RBFOX1: variants seen among roughly 807,000 people sequenced by gnomAD.
RBFOX1 encodes RNA binding fox-1 homolog 1.
RBFOX1 carries 8 observed loss-of-function variants against 57.7 expected under a neutral mutation model. The observed-to-expected ratio is 0.14, with a 90% CI of 0.08 to 0.25. The LOEUF (loss-of-function observed/expected upper bound fraction) is 0.25, where lower values mean the gene tolerates loss of function less well. Ranked by LOEUF, RBFOX1 falls within the 10% of genes least tolerant of loss-of-function variation. The pLI is 1.00. For missense variants in RBFOX1, 611 were observed against 548.5 expected, an observed-to-expected ratio of 1.11 and a Z score of -1.14; for synonymous variants, 326 against 222.4, an observed-to-expected ratio of 1.47 and a Z score of -4.15.
intron 2 of RBFOX1, among the ~76,000 whole-genome samples, chr16:6,552,712 A>G (rs912977950): frequency 1.3e-5 from 2 of 152,188 alleles, no homozygotes; most frequent in African/African-American, 4.8e-5. Context: ...TATGTGATAT[A>G]CACATACATA....
chr16:6,056,758 C>T (rs368837205), intron 1 of RBFOX1, among the ~76,000 whole-genome samples: 46 of 152,124 alleles, frequency 3.0e-4, no homozygotes, highest in Middle Eastern at 3.4e-3. Context: ...TATGAAATCA[C>T]ACTCCCTTTT....
chr16:5,762,380 A>C (rs2053623093), intron 3 of RBFOX1, among the ~76,000 whole-genome samples: 1 of 152,020 alleles, frequency 6.6e-6, no homozygotes, highest in Admixed American at 6.5e-5. Context: ...ACGAAGAAAG[A>C]AAACTCAAGT....
intron 10 of RBFOX1, among the ~76,000 whole-genome samples, chr16:7,611,116 A>G (rs1310921663): frequency 6.6e-6 from 1 of 152,226 alleles, no homozygotes; most frequent in Non-Finnish European, 1.5e-5. Flanking sequence ...TAATTATTTG[A>G]TTTTCTGAAG....
At chr16:6,877,520 A>T (rs1603635555) in intron 3 of RBFOX1, among the ~76,000 whole-genome samples, 2 of 152,306 alleles carry the variant, frequency 1.3e-5, no homozygotes, top group South Asian at 4.2e-4. Flanking sequence ...GAAAAAGAGC[A>T]TCGACTCTCA....
intron 3 of RBFOX1, among the ~76,000 whole-genome samples, chr16:5,793,002 G>A (rs1395184530): frequency 6.6e-6 from 1 of 152,212 alleles, no homozygotes; most frequent in Non-Finnish European, 1.5e-5. Flanking sequence ...GGAGGAAGTG[G>A]AAGAAAATCT....
chr16:6,907,353 C>T (rs2070293552), intron 3 of RBFOX1, among the ~76,000 whole-genome samples: 1 of 152,160 alleles, frequency 6.6e-6, no homozygotes, highest in African/African-American at 2.4e-5. Context: ...GTGTATCGAG[C>T]TGTCCTTGAG....
At chr16:6,994,229 A>C (rs1325471744) in intron 3 of RBFOX1, among the ~76,000 whole-genome samples, 1 of 152,158 alleles carries the variant, frequency 6.6e-6, no homozygotes, top group Admixed American at 6.5e-5. Context: ...GTAGTACTCT[A>C]AGGTTAAGCT....
chr16:6,859,831 TATA>T (rs2058689731), intron 3 of RBFOX1, among the ~76,000 whole-genome samples: 1 of 152,128 alleles, frequency 6.6e-6, no homozygotes, highest in Non-Finnish European at 1.5e-5. Context: ...CTTGTTTCTT[TATA>T]GAATCACACT....
chr16:7,456,152 C>G (rs1453789077), intron 4 of RBFOX1, among the ~76,000 whole-genome samples: 1 of 152,142 alleles, frequency 6.6e-6, no homozygotes, highest in African/African-American at 2.4e-5. Flanking sequence ...TGTGGCCAAT[C>G]CTGATTAAGG....
intron 1 of RBFOX1, among the ~76,000 whole-genome samples, chr16:5,243,165 C>T (rs958600490): frequency 6.6e-6 from 1 of 152,174 alleles, no homozygotes; most frequent in Non-Finnish European, 1.5e-5. Flanking sequence ...CACAGCTGTT[C>T]CTGGAGGGAG....
chr16:5,965,193 G>T (rs963191212), intron 4 of RBFOX1, among the ~76,000 whole-genome samples: 1 of 152,166 alleles, frequency 6.6e-6, no homozygotes, highest in Non-Finnish European at 1.5e-5. Context: ...TAAGTTTTCA[G>T]TTATAAGTTG....
chr16:7,325,546 A>G (rs566305383), intron 4 of RBFOX1, among the ~76,000 whole-genome samples: 1 of 152,300 alleles, frequency 6.6e-6, no homozygotes, highest in South Asian at 2.1e-4. Flanking sequence ...TCATTTGCAT[A>G]CACTAACTGA....
rs200762810 is a variant in RBFOX1 at position 5,844,218 on chromosome 16, A to T, written c.319-23085A>T. Among the ~76,000 whole-genome samples, 14 of 152,258 alleles carry T rather than the reference A, an allele frequency of 9.2e-5. No individual in the cohort carries two copies. The East Asian group carries it at 2.7e-3, about 29-fold the overall frequency. ...AGGACAGTTTACCATGAGGGTTATT[A>T]TGTTTTTTTTCCACCAACCTGACTT... is the stretch of plus-strand genomic sequence containing the variant. On this transcript the variant is annotated intron_variant, in intron 3 of 19. Transcript: ENST00000641259.
At chr16:6,129,866 C>T (rs1451129522) in intron 1 of RBFOX1, among the ~76,000 whole-genome samples, 1 of 151,482 alleles carries the variant, frequency 6.6e-6, no homozygotes, top group Non-Finnish European at 1.5e-5. Context: ...GGCCAGAAGA[C>T]AATCATATGA....
intron 14 of RBFOX1, among the ~76,000 whole-genome samples, chr16:7,697,675 G>C (rs1043073688): frequency 6.6e-5 from 10 of 152,178 alleles, no homozygotes; most frequent in Non-Finnish European, 1.5e-4. Context: ...AGTCACACTG[G>C]AGTCCATCTG....
intron 1 of RBFOX1, among the ~76,000 whole-genome samples, chr16:6,265,825 C>T (rs73531480): frequency 2.6e-5 from 4 of 152,064 alleles, no homozygotes; most frequent in Non-Finnish European, 4.4e-5. Context: ...CCTTCTGCCC[C>T]CTCTTCTGCC....
intron 2 of RBFOX1, among the ~76,000 whole-genome samples, chr16:6,508,791 T>A (rs1274206342): frequency 1.3e-5 from 2 of 152,136 alleles, no homozygotes; most frequent in South Asian, 4.2e-4. Flanking sequence ...GAGAAGAAAT[T>A]TGCCATTTAT....
intron 4 of RBFOX1, among the ~76,000 whole-genome samples, chr16:7,106,606 A>G (rs1026960515): frequency 1.3e-5 from 2 of 152,080 alleles, no homozygotes; most frequent in South Asian, 4.1e-4. Flanking sequence ...TGTCTATCTC[A>G]AGGTCCTGGC....
At chr16:5,981,440 C>A (rs905082220) in intron 4 of RBFOX1, among the ~76,000 whole-genome samples, 4 of 152,128 alleles carry the variant, frequency 2.6e-5, no homozygotes, top group Non-Finnish European at 4.4e-5. Context: ...TAGATTATTT[C>A]TTTCCTTCTG....
Sources: gnomAD v4.1 joint callset for allele counts (sites outside exome capture counted in the v4.1 genomes callset) on GRCh38, gnomAD v4.1.1 for gene constraint, MANE v1.5 for transcripts, NCBI Gene and HGNC (gene_info 2026-07-23, HGNC 2026-07-21) for gene names.